The following PRKN variants were observed in gnomAD, a reference collection of about 807,000 sequenced individuals.
The protein encoded by PRKN is parkin RBR E3 ubiquitin protein ligase.
Under a neutral mutation model 59.5 loss-of-function variants are expected in PRKN, and 56 were observed. The observed-to-expected ratio is 0.94, with a 90% CI of 0.76 to 1.18. The LOEUF (loss-of-function observed/expected upper bound fraction) is 1.18. Among genes scored for constraint, PRKN ranks in the 50% most tolerant of loss-of-function variants. The probability of loss-of-function intolerance (pLI) is 0.00; values close to 1 mark genes in which losing one functional copy is unlikely to be tolerated. For synonymous variants in PRKN, 250 were observed against 222.1 expected (o/e 1.13, Z -1.12); for missense variants, 657 against 596.4 (o/e 1.10, Z -1.06).
intron 4 of PRKN, among the ~76,000 whole-genome samples, chr6:162,065,583 A>G (rs1778302497): frequency 1.3e-5 from 2 of 151,968 alleles, no homozygotes; most frequent in Admixed American, 6.6e-5. Context: ...TTTTTAAAAA[A>G]ATTATATGTT....
chr6:161,711,619 G>A (rs1786754395), intron 7 of PRKN, among the ~76,000 whole-genome samples: 1 of 152,152 alleles, frequency 6.6e-6, no homozygotes, highest in African/African-American at 2.4e-5. Flanking sequence ...TATTTTTCCT[G>A]GGTGTTTCTG....
chr6:162,514,676 T>C (rs1777770391), intron 1 of PRKN, among the ~76,000 whole-genome samples: 1 of 152,100 alleles, frequency 6.6e-6, no homozygotes, highest in African/African-American at 2.4e-5. Context: ...ATGCCTATAA[T>C]CCCAGCACTT....
intron 3 of PRKN, among the ~76,000 whole-genome samples, chr6:162,222,767 G>A (rs1370077177): frequency 6.6e-6 from 1 of 152,062 alleles, no homozygotes; most frequent in African/African-American, 2.4e-5. Flanking sequence ...CACTGCACTA[G>A]TAGTAATTTA....
At chr6:161,522,937 G>A (rs1778889720) in intron 9 of PRKN, among the ~76,000 whole-genome samples, 1 of 152,146 alleles carries the variant, frequency 6.6e-6, no homozygotes, top group Admixed American at 6.5e-5. Flanking sequence ...CAAAGTAAGA[G>A]GTAACTTCAC....
chr6:162,501,352 CTT>C (rs398038329), intron 1 of PRKN, among the ~76,000 whole-genome samples: 3 of 139,642 alleles, frequency 2.1e-5, no homozygotes, highest in Admixed American at 7.3e-5. Flanking sequence ...CCCTTTTTTC[CTT>C]TTTTTTTTTT....
At chr6:161,537,066 T>C (rs889045531) in intron 9 of PRKN, among the ~76,000 whole-genome samples, 1 of 152,250 alleles carries the variant, frequency 6.6e-6, no homozygotes, top group African/African-American at 2.4e-5. Flanking sequence ...AATACAATAC[T>C]GCTTATACAA....
chr6:162,178,814 A>G (rs1289425943), intron 4 of PRKN, among the ~76,000 whole-genome samples: 1 of 152,060 alleles, frequency 6.6e-6, no homozygotes, highest in Non-Finnish European at 1.5e-5. Flanking sequence ...GCAGCTTTCT[A>G]TCTAGGTGTC....
At chr6:162,450,842 A>G (rs1005686722) in intron 1 of PRKN, among the ~76,000 whole-genome samples, 1 of 152,180 alleles carries the variant, frequency 6.6e-6, no homozygotes, top group Non-Finnish European at 1.5e-5. Flanking sequence ...AAAACTAAGA[A>G]TATCCAAATA....
chr6:162,697,030 CTG>C (rs1348097085), intron 1 of PRKN, among the ~76,000 whole-genome samples: 5 of 152,134 alleles, frequency 3.3e-5, no homozygotes, highest in African/African-American at 1.2e-4. Flanking sequence ...ATATATTCCA[CTG>C]TCTCATAATT....
intron 9 of PRKN, among the ~76,000 whole-genome samples, chr6:161,449,142 T>A (rs9295149): frequency 0.32 from 48,199 of 152,142 alleles, 7,915 homozygotes; most frequent in Middle Eastern, 0.38. Flanking sequence ...TATTACAATT[T>A]CTTGGTTTAT....
chr6:162,615,055 TGA>T (rs1782346460), intron 1 of PRKN, among the ~76,000 whole-genome samples: 1 of 152,152 alleles, frequency 6.6e-6, no homozygotes, highest in Admixed American at 6.5e-5. Context: ...TATGTCTTAA[TGA>T]GAGGATTAAA....
At chr6:161,884,535 T>C (rs751635477) in intron 6 of PRKN, among the ~76,000 whole-genome samples, 1 of 152,236 alleles carries the variant, frequency 6.6e-6, no homozygotes, top group Non-Finnish European at 1.5e-5. Flanking sequence ...AAATGATGGA[T>C]ATGCAACTTT....
intron 7 of PRKN, among the ~76,000 whole-genome samples, chr6:161,780,162 C>A (rs1401814382): frequency 6.6e-6 from 1 of 152,128 alleles, no homozygotes; most frequent in Non-Finnish European, 1.5e-5. Flanking sequence ...AAGATGAAAT[C>A]AAGTCACACT....
intron 7 of PRKN, among the ~76,000 whole-genome samples, chr6:161,611,861 GGGAA>G (rs1782499599): frequency 6.6e-6 from 1 of 152,190 alleles, no homozygotes; most frequent in Non-Finnish European, 1.5e-5. Context: ...GCTGTGAACT[GGGAA>G]TGCAAACCAG....
chr6:162,472,906 ATAGCCAGC>A (rs1791830020), intron 1 of PRKN, among the ~76,000 whole-genome samples: 1 of 151,430 alleles, frequency 6.6e-6, no homozygotes, highest in Admixed American at 6.6e-5. Context: ...CCTGAAAATT[ATAGCCAGC>A]TACTCCAGAA....
At chr6:161,896,643 G>A (rs1352195142) in intron 6 of PRKN, among the ~76,000 whole-genome samples, 2 of 152,200 alleles carry the variant, frequency 1.3e-5, no homozygotes, top group Admixed American at 1.3e-4. Flanking sequence ...GGAGCTGGGG[G>A]AGCAGGGGAG....
chr6:161,769,273 G>A (rs888767593), intron 7 of PRKN, among the ~76,000 whole-genome samples: 1 of 152,168 alleles, frequency 6.6e-6, no homozygotes, highest in African/African-American at 2.4e-5. Flanking sequence ...GTTTGGTGGT[G>A]ACTGGGTACC....
At chr6:161,537,744 C>T (rs1199205828) in intron 9 of PRKN, among the ~76,000 whole-genome samples, 1 of 152,234 alleles carries the variant, frequency 6.6e-6, no homozygotes, top group Non-Finnish European at 1.5e-5. Flanking sequence ...AGCCACTGCG[C>T]CCGGCCTCAA....
chr6:162,012,997 T>C (rs1045810134), intron 5 of PRKN, among the ~76,000 whole-genome samples: 9 of 152,168 alleles, frequency 5.9e-5, no homozygotes, highest in African/African-American at 2.2e-4. Flanking sequence ...GACAAGGCTA[T>C]GCAAATATTC....
Sources: gnomAD v4.1 joint callset for allele counts (sites outside exome capture counted in the v4.1 genomes callset) on GRCh38, gnomAD v4.1.1 for gene constraint, MANE v1.5 for transcripts, NCBI Gene and HGNC (gene_info 2026-07-23, HGNC 2026-07-21) for gene names.